Variants in NBEAL1 observed in about 807,000 individuals in gnomAD.
NBEAL1 encodes the protein neurobeachin-like protein 1.
NBEAL1 carries 273 observed loss-of-function variants against 351.3 expected under a neutral mutation model. The ratio of observed to expected loss-of-function variants is 0.78; its 90% CI spans 0.70 to 0.86. NBEAL1 has a LOEUF of 0.86. Among genes scored for constraint, NBEAL1 ranks in the 40% least tolerant of loss-of-function variants. NBEAL1 has a pLI of 0.00. For missense variants in NBEAL1, 2,961 were observed against 3,201.3 expected (o/e 0.92, Z 1.81); for synonymous variants, 1,050 against 1,086.4 (o/e 0.97, Z 0.66).
At chr2:203,078,391 G>A (rs2061815428) in intron 8 of NBEAL1, among the ~76,000 whole-genome samples, 1 of 151,998 alleles carries the variant, frequency 6.6e-6, no homozygotes, top group Non-Finnish European at 1.5e-5. Context: ...CCAGGCTGGA[G>A]TGCAGAAGTG....
At chr2:203,100,548 CTTT>C (rs201429973) in intron 12 of NBEAL1, among the ~76,000 whole-genome samples, 1 of 137,314 alleles carries the variant, frequency 7.3e-6, no homozygotes, top group Admixed American at 7.5e-5. Context: ...GTTTTCTTTT[CTTT>C]TTTTTTTTTT....
Position 203,167,214 on chromosome 2 carries a change from C to T in NBEAL1, c.5864-13C>T. 11 of 1,597,506 alleles carry T rather than the reference C, an allele frequency of 6.9e-6. No homozygotes were observed. Among genetic ancestry groups the T allele is most frequent in the African/African-American group, 5.4e-5 (4 of 73,976 alleles). ...ATATGGTATCTCAGTCACAAGATTT[C>T]TTCCGTTTTCAGGAGTAGGCTTTGA... is the stretch of plus-strand genomic sequence containing the variant. On this transcript the variant is annotated splice_polypyrimidine_tract_variant and intron_variant, in intron 37 of 55. Transcript: ENST00000683969.
intron 49 of NBEAL1, among the ~76,000 whole-genome samples, chr2:203,200,308 C>G (rs1022900014): frequency 6.6e-6 from 1 of 152,082 alleles, no homozygotes; most frequent in Non-Finnish European, 1.5e-5. Context: ...GTCAGGAGAT[C>G]GAGACCATCT....
At position 203,111,982 on chromosome 2, in the gene NBEAL1, A is replaced by G. The variant is rs1265390907; in HGVS notation, c.2086A>G (p.Asn696Asp). Reference protein sequence around the residue: ...DHSFCDSLWHNITVVHMPGKR... With the variant: ...DHSFCDSLWHDITVVHMPGKR... ...AATGTGTGTTTCACTTTACCAGCAC[A>G]ACATAACTGTTGTCCACATGCCTGG... Residue 696 changes from asparagine to aspartate, a missense_variant, in exon 16 of 56, where the codon AAC becomes GAC. By Grantham distance (23) the Asn-to-Asp change is conservative. Coordinates refer to ENST00000683969, the MANE Select transcript of NBEAL1 (RefSeq NM_001378026.1). 1.9e-6 allele frequency: 3 copies of G among 1,549,136 alleles called. No individual in the cohort carries two copies. Among genetic ancestry groups the G allele is most frequent in the Admixed American group, 4.0e-5 (2 of 50,130 alleles).
chr2:203,202,822 T>A, intron 51 of NBEAL1, 41 bp downstream of exon 51: 1 of 1,133,272 alleles, frequency 8.8e-7, no homozygotes, highest in Non-Finnish European at 1.3e-6. Context: ...GGTCAGAGAT[T>A]CACCCTGAGA....
In NBEAL1 at chr2:203,109,171, G is replaced by A. The variant is rs1475319440; in HGVS notation, c.1950-979G>A. Among the ~76,000 whole-genome samples, 3 of 152,220 alleles carry A rather than the reference G, an allele frequency of 2.0e-5. No individual in the cohort carries two copies. The East Asian group carries it at 5.8e-4, about 30-fold the overall frequency. The stretch of plus-strand genomic sequence containing the variant: ...CAGGAATTCAAGACCAGTCTGGTCA[G>A]TATGGAGAAACACTGTCTGTACTAA... On this transcript the variant is annotated intron_variant, in intron 14 of 55. Coordinates refer to ENST00000683969, the MANE Select transcript of NBEAL1 (RefSeq NM_001378026.1).
intron 54 of NBEAL1, among the ~76,000 whole-genome samples, chr2:203,212,954 G>A (rs1178004941): frequency 6.6e-6 from 1 of 152,130 alleles, no homozygotes; most frequent in Non-Finnish European, 1.5e-5. Context: ...GAGAGTCTGA[G>A]GCTCAGAGAA....
intron 24 of NBEAL1, 93 bp from the exon 25 acceptor site, chr2:203,130,225 G>A: frequency 2.5e-6 from 3 of 1,181,144 alleles, no homozygotes; most frequent in South Asian, 3.3e-5. Flanking sequence ...ACATTATATA[G>A]GATTTAATTA....
chr2:203,050,383 G>A (rs1299215974), intron 4 of NBEAL1, among the ~76,000 whole-genome samples: 2 of 152,086 alleles, frequency 1.3e-5, no homozygotes, highest in Non-Finnish European at 2.9e-5. Flanking sequence ...GAATAGGCTT[G>A]TGGTTTGTTA....
At chr2:203,134,885 A>C (rs1013494859) in intron 27 of NBEAL1, among the ~76,000 whole-genome samples, 14 of 152,196 alleles carry the variant, frequency 9.2e-5, no homozygotes, top group African/African-American at 3.4e-4. Context: ...CTGAACAAAA[A>C]AGTTTTTGCA....
In NBEAL1 at chr2:203,188,697, A is replaced by G. The variant is rs1575105631; in HGVS notation, c.6823+108A>G. On this transcript the variant is annotated intron_variant, in intron 45 of 55. Coordinates refer to ENST00000683969, the MANE Select transcript of NBEAL1 (RefSeq NM_001378026.1). The stretch of plus-strand genomic sequence containing the variant: ...TTTAATATCAGAAAGACTACATTTT[A>G]AAAACATCTTTTTACTTGAAAGATT... 6.4e-6 allele frequency: 4 copies of G among 622,268 alleles called. No individual in the cohort carries two copies. The South Asian group carries it at 1.3e-4, about 20-fold the overall frequency. 38.5% of individuals were successfully genotyped at this position (622,268 alleles called of 1,614,324 possible).
chr2:203,224,227 C>T lies in NBEAL1; in HGVS notation c.*6873C>T, dbSNP rs1357616436. Among the ~76,000 whole-genome samples, 8 of 152,080 alleles carry T rather than the reference C, an allele frequency of 5.3e-5. No individual in the cohort carries two copies. In the South Asian group the frequency reaches 1.5e-3, roughly 28 times the overall value. The stretch of plus-strand genomic sequence containing the variant: ...CAAAGACTGTGATTGATGAACATCA[C>T]CAAACTTTTTTTGTGGCAAACTGCT... On this transcript the variant is annotated 3_prime_UTR_variant, in exon 56 of 56. Coordinates refer to ENST00000683969, the MANE Select transcript of NBEAL1 (RefSeq NM_001378026.1).
intron 7 of NBEAL1, among the ~76,000 whole-genome samples, chr2:203,076,225 G>C (rs922135006): frequency 6.6e-6 from 1 of 152,104 alleles, no homozygotes. Flanking sequence ...GCTCACCCTT[G>C]TACTCCCAGC....
intron 43 of NBEAL1, chr2:203,181,670 A>G (rs1441869542): frequency 6.6e-6 from 1 of 152,144 alleles, no homozygotes; most frequent in Non-Finnish European, 1.5e-5. Flanking sequence ...CCCTTCATTT[A>G]TTCAGTACAA....
In NBEAL1 at chr2:203,112,016, C is replaced by T; in HGVS notation, c.2120C>T (p.Pro707Leu). ...ITVVHMPGKRPFGQSFVYIYD... is the reference protein window; with the variant it reads ...ITVVHMPGKRLFGQSFVYIYD... The stretch of plus-strand genomic sequence containing the variant: ...GTTGTCCACATGCCTGGAAAAAGGC[C>T]TTTTGGTCAGAGCTTCGTCTATATC... The change falls in exon 16 of 56, where the codon CCT becomes CTT. Residue 707 changes from proline to leucine, a missense_variant. Coordinates refer to ENST00000683969, the MANE Select transcript of NBEAL1 (RefSeq NM_001378026.1). The T allele has an allele frequency of 6.4e-7, 1 of 1,551,766 alleles. No homozygotes were observed. The highest frequency in any genetic ancestry group is 2.0e-5 in the Admixed American group (1 of 50,864).
chr2:203,047,855 T>C lies in NBEAL1; in HGVS notation c.144-1959T>C, dbSNP rs539622466. Among the ~76,000 whole-genome samples, 167 of 151,434 alleles carry C rather than the reference T, an allele frequency of 1.1e-3. 1 individual carries two copies. In the Middle Eastern group the frequency reaches 0.014, roughly 12 times the overall value. The stretch of plus-strand genomic sequence containing the variant: ...AACTCTTGGGCTCAAGCGATCCTCC[T>C]GCCTTAGCCTCCAAGTAGCTGGGAC... On this transcript the variant is annotated intron_variant, in intron 3 of 55. Coordinates refer to ENST00000683969, the MANE Select transcript of NBEAL1 (RefSeq NM_001378026.1).
At chr2:203,203,235 G>A (rs191229935) in intron 51 of NBEAL1, among the ~76,000 whole-genome samples, 65 of 151,170 alleles carry the variant, frequency 4.3e-4, no homozygotes, top group African/African-American at 1.4e-3. Context: ...TCCGCCTCCC[G>A]GGTTCAAGCG....
intron 7 of NBEAL1, among the ~76,000 whole-genome samples, chr2:203,070,359 C>CTTTTTTTTTTTTTTTT (rs34588218): frequency 1.1e-5 from 1 of 92,338 alleles, no homozygotes; most frequent in African/African-American, 4.2e-5. Context: ...CTCTCTCTCT[C>CTTTTTTTTTTTTTTTT]TTTTTTTTTT....
At chr2:203,201,521 T>G in intron 49 of NBEAL1, 22 bp from the exon 50 acceptor site, 1 of 1,493,856 alleles carries the variant, frequency 6.7e-7, no homozygotes, top group Non-Finnish European at 9.0e-7. Context: ...AGGAAAAGTC[T>G]GATATTTAAT....
Sources: gnomAD v4.1 joint callset for allele counts (sites outside exome capture counted in the v4.1 genomes callset) on GRCh38, gnomAD v4.1.1 for gene constraint, MANE v1.5 for transcripts, NCBI Gene and HGNC (gene_info 2026-07-23, HGNC 2026-07-21) for gene names.